LRP1B: variants seen among roughly 807,000 people sequenced by gnomAD.
LRP1B encodes the protein low-density lipoprotein receptor-related protein 1B.
A neutral mutation model predicts 556.6 loss-of-function variants in LRP1B; 217 were observed. The observed-to-expected ratio is 0.39, with a 90% CI of 0.35 to 0.44. LRP1B has a LOEUF of 0.44. Among genes scored for constraint, LRP1B ranks in the 20% least tolerant of loss-of-function variants. The pLI is 1.00. For missense variants in LRP1B, 5,053 were observed against 5,620.8 expected (o/e 0.90, Z 3.23); for synonymous variants, 2,047 against 1,865.8 (o/e 1.10, Z -2.50).
intron 1 of LRP1B, among the ~76,000 whole-genome samples, chr2:141,838,752 T>C (rs962122015): frequency 6.6e-6 from 1 of 152,202 alleles, no homozygotes; most frequent in Non-Finnish European, 1.5e-5. Flanking sequence ...AATTTACATG[T>C]TCGCTGGATT....
chr2:140,951,714 G>T, intron 19 of LRP1B, 146 bp downstream of exon 19: 1 of 616,494 alleles, frequency 1.6e-6, no homozygotes, highest in Non-Finnish European at 2.9e-6. Flanking sequence ...CTGATGTGCT[G>T]CTAGCTGCCC....
At chr2:140,950,533 T>G in intron 19 of LRP1B, 131 bp from the exon 20 acceptor site, 4 of 628,456 alleles carry the variant, frequency 6.4e-6, no homozygotes, top group Non-Finnish European at 1.1e-5. Flanking sequence ...ACCCAACCTG[T>G]AGTGCAGTGG....
At chr2:140,783,679 G>A (rs1689782311) in intron 32 of LRP1B, among the ~76,000 whole-genome samples, 1 of 152,106 alleles carries the variant, frequency 6.6e-6, no homozygotes, top group African/African-American at 2.4e-5. Context: ...TAGAAATTGT[G>A]GGCCTTAAAA....
At chr2:141,166,807 T>G (rs1280335774) in intron 7 of LRP1B, among the ~76,000 whole-genome samples, 1 of 151,986 alleles carries the variant, frequency 6.6e-6, no homozygotes, top group Non-Finnish European at 1.5e-5. Context: ...ATAAATAGCA[T>G]TCTTTTAATA....
chr2:141,906,625 A>G (rs1016717094), intron 1 of LRP1B, among the ~76,000 whole-genome samples: 13 of 152,048 alleles, frequency 8.5e-5, no homozygotes, highest in African/African-American at 2.4e-5. Context: ...TCCTGTTGAT[A>G]GTATATTGAT....
chr2:140,412,325 G>T (rs188926202), intron 66 of LRP1B, among the ~76,000 whole-genome samples: 83 of 152,166 alleles, frequency 5.5e-4, no homozygotes, highest in African/African-American at 1.9e-3. Flanking sequence ...AGATGGCTTT[G>T]TACAGAACCA....
chr2:141,478,710 A>AT (rs1481415400), intron 3 of LRP1B, among the ~76,000 whole-genome samples: 2 of 151,720 alleles, frequency 1.3e-5, no homozygotes, highest in African/African-American at 4.8e-5. Flanking sequence ...CAGCCGGCTA[A>AT]TTTTTTGTTT....
intron 41 of LRP1B, among the ~76,000 whole-genome samples, chr2:140,657,788 A>C (rs1684945740): frequency 6.6e-6 from 1 of 151,850 alleles, no homozygotes; most frequent in Non-Finnish European, 1.5e-5. Flanking sequence ...TAAAAACAAA[A>C]GAGCCTTTAT....
At chr2:141,862,264 A>T (rs1698271168) in intron 1 of LRP1B, among the ~76,000 whole-genome samples, 1 of 152,184 alleles carries the variant, frequency 6.6e-6, no homozygotes, top group Non-Finnish European at 1.5e-5. Flanking sequence ...ACAGAAACTT[A>T]TCTGAAACCT....
chr2:141,212,248 G>GTTTTTT (rs1558936359), intron 6 of LRP1B, among the ~76,000 whole-genome samples: 1 of 48,644 alleles, frequency 2.1e-5, no homozygotes, highest in African/African-American at 7.8e-5. Context: ...AAAAAGTCTA[G>GTTTTTT]ATTTTTTTTT....
intron 2 of LRP1B, among the ~76,000 whole-genome samples, chr2:141,647,794 G>C (rs916909357): frequency 7.4e-5 from 11 of 149,490 alleles, no homozygotes; most frequent in African/African-American, 2.5e-4. Flanking sequence ...TTTTTGTTCA[G>C]GGAAAAAGTT....
chr2:141,241,817 T>G (rs1025745786), intron 5 of LRP1B, among the ~76,000 whole-genome samples: 1 of 152,048 alleles, frequency 6.6e-6, no homozygotes, highest in African/African-American at 2.4e-5. Context: ...TGCTGGTGAC[T>G]AGGCTCACTC....
At chr2:140,821,300 A>G (rs1327879403) in intron 31 of LRP1B, among the ~76,000 whole-genome samples, 3 of 152,194 alleles carry the variant, frequency 2.0e-5, no homozygotes, top group Non-Finnish European at 4.4e-5. Context: ...ATGAATAATC[A>G]GATGAAAATG....
intron 35 of LRP1B, among the ~76,000 whole-genome samples, chr2:140,748,784 A>G (rs9678188): frequency 0.15 from 6,435 of 41,734 alleles, 780 homozygotes; most frequent in Non-Finnish European, 0.23. Context: ...ATATGTATAT[A>G]ATATATATTA....
At chr2:141,326,860 T>C (rs1473740924) in intron 3 of LRP1B, among the ~76,000 whole-genome samples, 1 of 152,162 alleles carries the variant, frequency 6.6e-6, no homozygotes, top group Non-Finnish European at 1.5e-5. Context: ...CTTTAGGCCC[T>C]ACAATAACAT....
chr2:140,433,502 G>C (rs577644039), intron 66 of LRP1B, among the ~76,000 whole-genome samples: 2 of 152,258 alleles, frequency 1.3e-5, no homozygotes, highest in African/African-American at 4.8e-5. Flanking sequence ...CATTGAGCCT[G>C]CCGCTCAGCA....
chr2:140,452,240 CAGTT>C (rs1482731879), intron 62 of LRP1B, among the ~76,000 whole-genome samples: 1 of 152,060 alleles, frequency 6.6e-6, no homozygotes, highest in African/African-American at 2.4e-5. Flanking sequence ...CCAAAAAGCT[CAGTT>C]AGTTTATGTT....
At chr2:141,544,377 T>TTCTTCTTCTTCTTCTTCTTCC (rs1685461165) in intron 2 of LRP1B, among the ~76,000 whole-genome samples, 1 of 115,770 alleles carries the variant, frequency 8.6e-6, no homozygotes, top group Non-Finnish European at 1.9e-5. Flanking sequence ...CTTCTTCTTC[T>TTCTTCTTCTTCTTCTTCTTCC]TCTTCTCCTC....
intron 2 of LRP1B, among the ~76,000 whole-genome samples, chr2:141,606,478 A>G (rs950777700): frequency 6.6e-6 from 1 of 152,178 alleles, no homozygotes; most frequent in Admixed American, 6.6e-5. Flanking sequence ...TTATGGATTT[A>G]ATTGTATTCC....
Sources: gnomAD v4.1 joint callset for allele counts (sites outside exome capture counted in the v4.1 genomes callset) on GRCh38, gnomAD v4.1.1 for gene constraint, MANE v1.5 for transcripts, NCBI Gene and HGNC (gene_info 2026-07-23, HGNC 2026-07-21) for gene names.